The following NUAK1 variants were observed in gnomAD, a reference collection of about 807,000 sequenced individuals.
NUAK1 encodes the protein NUAK family kinase 1.
Under a neutral mutation model 56.9 loss-of-function variants are expected in NUAK1, and 26 were observed. The observed-to-expected ratio is 0.46, with a 90% confidence interval of 0.33 to 0.63. The LOEUF is 0.63. Among genes scored for constraint, NUAK1 ranks in the 30% least tolerant of loss-of-function variants. The pLI, the probability that NUAK1 is intolerant of heterozygous loss-of-function variation, is 0.02. For synonymous variants in NUAK1, 337 were observed against 336.0 expected, an observed-to-expected ratio of 1.00 and a Z score of -0.03; for missense variants, 727 against 876.1, an observed-to-expected ratio of 0.83 and a Z score of 2.15.
chr12:106,124,494 G>C (rs2033007147), intron 1 of NUAK1, among the ~76,000 whole-genome samples: 1 of 152,158 alleles, frequency 6.6e-6, no homozygotes, highest in Admixed American at 6.5e-5. Flanking sequence ...GAAAACCCCT[G>C]CCCTGGCTTG....
chr12:106,087,386 G>C (rs1220440750), intron 2 of NUAK1, among the ~76,000 whole-genome samples: 1 of 152,160 alleles, frequency 6.6e-6, no homozygotes, highest in Non-Finnish European at 1.5e-5. Flanking sequence ...ACCAAGTCGT[G>C]CACGATCCCA....
intron 4 of NUAK1, among the ~76,000 whole-genome samples, chr12:106,082,759 A>T (rs1305210616): frequency 6.6e-6 from 1 of 152,146 alleles, no homozygotes. Context: ...TGCTGCCATG[A>T]TCTGTACAGA....
intron 2 of NUAK1, among the ~76,000 whole-genome samples, chr12:106,105,452 A>C (rs2032791274): frequency 6.6e-6 from 1 of 152,212 alleles, no homozygotes; most frequent in Non-Finnish European, 1.5e-5. Flanking sequence ...AATTAGATTC[A>C]ATAAATTATG....
At chr12:106,113,899 C>T (rs1371842717) in intron 1 of NUAK1, among the ~76,000 whole-genome samples, 2 of 152,006 alleles carry the variant, frequency 1.3e-5, no homozygotes, top group Non-Finnish European at 2.9e-5. Context: ...CTACACATAA[C>T]CCGGAGCACG....
At chr12:106,101,921 G>A (rs2032753218) in intron 2 of NUAK1, among the ~76,000 whole-genome samples, 1 of 152,192 alleles carries the variant, frequency 6.6e-6, no homozygotes, top group African/African-American at 2.4e-5. Context: ...AAAGTCATGG[G>A]ATCCTGGGAC....
Position 106,072,727 on chromosome 12 carries a change from T to C in NUAK1, c.696A>G (p.Pro232=). 6.2e-7 allele frequency: 1 copy of C among 1,613,108 alleles called. No individual in the cohort carries two copies. Among genetic ancestry groups the C allele is most frequent in the Non-Finnish European group, 8.5e-7 (1 of 1,179,344 alleles). Residue 232 remains proline, a synonymous_variant, in exon 5 of 7, where the codon CCA becomes CCG. Transcript: ENST00000261402. ...EIVNGRPYRG[P]EVDSWALGVL... ...ACACATTGGGAAAGCTGCTCACCTC[T>C]GGCCCTCGGTAAGGTCTCCCATTGA... is the stretch of plus-strand genomic sequence containing the variant.
chr12:106,138,775 G>A lies in NUAK1; in HGVS notation c.-122C>T. The A allele has an allele frequency of 7.6e-7, 1 of 1,316,076 alleles. No individual in the cohort carries two copies. The highest frequency in any genetic ancestry group is 3.3e-5 in the Admixed American group (1 of 30,124). 81.5% of individuals were successfully genotyped at this position (1,316,076 alleles called of 1,614,324 possible). A position where few individuals can be genotyped will look rare whatever the true frequency, so the allele number is the denominator to read the frequency against. On this transcript the variant is annotated 5_prime_UTR_variant, in exon 1 of 7. Coordinates refer to ENST00000261402, the MANE Select transcript of NUAK1 (RefSeq NM_014840.3). This position sits in a 1 kb window ranked among gnomAD's most constrained non-coding sequence, Gnocchi z 5.0. ...GTCGCCCCCGCAGCATCAGGGAGGC[G>A]GCCCGATACCGCTCGGACTGCGGCT...
chr12:106,078,089 G>T (rs1458593390), intron 4 of NUAK1, among the ~76,000 whole-genome samples: 1 of 152,236 alleles, frequency 6.6e-6, no homozygotes, highest in African/African-American at 2.4e-5. Context: ...AAATAGGCCA[G>T]ATGTGGTGGC....
At chr12:106,117,606 G>A (rs968521101) in intron 1 of NUAK1, among the ~76,000 whole-genome samples, 1 of 152,132 alleles carries the variant, frequency 6.6e-6, no homozygotes, top group Admixed American at 6.5e-5. Context: ...TAATAACTTC[G>A]TCAAACACCA....
At chr12:106,114,419 T>C (rs2032896218) in intron 1 of NUAK1, among the ~76,000 whole-genome samples, 1 of 152,168 alleles carries the variant, frequency 6.6e-6, no homozygotes. Flanking sequence ...AGGATGATGA[T>C]GGTACCAACC....
chr12:106,113,511 G>A (rs1308839136), intron 1 of NUAK1, among the ~76,000 whole-genome samples: 7 of 151,792 alleles, frequency 4.6e-5, no homozygotes, highest in Non-Finnish European at 1.5e-5. Context: ...AATGAAGGTG[G>A]CAGTGTTCAG....
In NUAK1 at chr12:106,064,626, G is replaced by C. The variant is rs2032314054; in HGVS notation, c.*2176C>G. The C allele has an allele frequency of 6.6e-6, 1 of 152,304 alleles. No individual in the cohort carries two copies. Among genetic ancestry groups the C allele is most frequent in the Non-Finnish European group, 1.5e-5 (1 of 68,112 alleles). 9.4% of individuals were successfully genotyped at this position (152,304 alleles called of 1,614,324 possible). ...AAAGGAAAAAACACATCAACCAGTA[G>C]GTAGGAGCTAGATCTAAGTCATACT... On this transcript the variant is annotated 3_prime_UTR_variant, in exon 7 of 7. Transcript: ENST00000261402.
chr12:106,087,032 C>G (rs2032579532), intron 2 of NUAK1, 147 bp from the exon 3 acceptor site: 5 of 988,452 alleles, frequency 5.1e-6, no homozygotes, highest in Non-Finnish European at 7.4e-6. Context: ...AATTCAGCAT[C>G]ACGAGGCGTG....
intron 5 of NUAK1, among the ~76,000 whole-genome samples, chr12:106,072,449 A>C (rs1002457609): frequency 6.6e-6 from 1 of 152,200 alleles, no homozygotes; most frequent in Non-Finnish European, 1.5e-5. Flanking sequence ...AGAGATCTAC[A>C]TTGGGAAAAG....
chr12:106,091,679 C>CAGG (rs1354026560), intron 2 of NUAK1, among the ~76,000 whole-genome samples: 2 of 152,140 alleles, frequency 1.3e-5, no homozygotes, highest in African/African-American at 2.4e-5. Flanking sequence ...ATCCAAGAGA[C>CAGG]AGGAGCAAGG....
chr12:106,093,850 G>T (rs1322877667), intron 2 of NUAK1, among the ~76,000 whole-genome samples: 1 of 152,184 alleles, frequency 6.6e-6, no homozygotes, highest in East Asian at 1.9e-4. Flanking sequence ...ACAGGTGGGA[G>T]TGCAGTGGCA....
At chr12:106,078,083 A>G (rs573626657) in intron 4 of NUAK1, among the ~76,000 whole-genome samples, 2 of 152,350 alleles carry the variant, frequency 1.3e-5, no homozygotes, top group East Asian at 3.9e-4. Flanking sequence ...GAATTAAAAT[A>G]GGCCAGATGT....
chr12:106,138,358 G>A lies in NUAK1; in HGVS notation c.240+56C>T. 1 of 1,546,212 alleles carries A rather than the reference G, an allele frequency of 6.5e-7. No individual in the cohort carries two copies. The highest frequency in any genetic ancestry group is 1.2e-5 in the South Asian group (1 of 80,762). On this transcript the variant is annotated intron_variant, in intron 1 of 6. Transcript: ENST00000261402. This position sits in a 1 kb window ranked among gnomAD's most constrained non-coding sequence, Gnocchi z 5.0. ...CAGACCCCCGCCTCGCACGCCCTCA[G>A]TCCCCGGCCGCGTCCACCCAGCGCC...
At chr12:106,110,614 C>T (rs529355300) in intron 1 of NUAK1, among the ~76,000 whole-genome samples, 246 of 152,228 alleles carry the variant, frequency 1.6e-3, no homozygotes, top group African/African-American at 5.5e-3. Flanking sequence ...CCTAAAAATC[C>T]CATTTGTTCC....
Sources: allele counts gnomAD v4.1 joint callset (sites outside exome capture counted in the v4.1 genomes callset), GRCh38; gene constraint gnomAD v4.1.1; non-coding constraint Gnocchi (gnomAD v3.1); transcripts MANE v1.5; gene names NCBI Gene and HGNC (gene_info 2026-07-23, HGNC 2026-07-21).